Variants in ATRNL1 observed in about 807,000 individuals in gnomAD.
ATRNL1 encodes the protein attractin-like protein 1.
In ATRNL1, 95 loss-of-function variants were observed where a neutral mutation model predicts 182.7. The ratio of observed to expected loss-of-function variants is 0.52; its 90% CI spans 0.44 to 0.62. The LOEUF (loss-of-function observed/expected upper bound fraction) is 0.62, where lower values mean the gene tolerates loss of function less well. Among genes scored for constraint, ATRNL1 ranks in the 20% least tolerant of loss-of-function variants. The pLI is 0.00. For missense variants in ATRNL1, 1,471 were observed against 1,679.5 expected, an observed-to-expected ratio of 0.88 and a Z score of 2.17; for synonymous variants, 576 against 568.3, an observed-to-expected ratio of 1.01 and a Z score of -0.19.
chr10:115,265,096 A>G (rs1592348060), intron 10 of ATRNL1, 97 bp from the exon 11 acceptor site: 2 of 703,870 alleles, frequency 2.8e-6, no homozygotes, highest in East Asian at 2.7e-5. Flanking sequence ...CTGCTTATGC[A>G]TAGTGTATCT....
chr10:115,687,016 CTTAT>C (rs781791143), intron 26 of ATRNL1, among the ~76,000 whole-genome samples: 7 of 151,878 alleles, frequency 4.6e-5, no homozygotes, highest in African/African-American at 9.6e-5. Context: ...TTCCTTCCAC[CTTAT>C]TTATTTATTT....
At chr10:115,303,221 G>GTTTT (rs5788103) in intron 17 of ATRNL1, among the ~76,000 whole-genome samples, 13 of 106,994 alleles carry the variant, frequency 1.2e-4, no homozygotes, top group East Asian at 3.4e-4. Flanking sequence ...TGGTATGCAG[G>GTTTT]TTTTTTTTTT....
chr10:115,759,841 A>ATTTT (rs58578796), intron 27 of ATRNL1, among the ~76,000 whole-genome samples: 3 of 62,678 alleles, frequency 4.8e-5, no homozygotes, highest in African/African-American at 7.1e-5. Context: ...ACACCTGGCT[A>ATTTT]TTTTTTTTTT....
At chr10:115,519,717 G>T (rs1217549275) in intron 25 of ATRNL1, among the ~76,000 whole-genome samples, 2 of 152,114 alleles carry the variant, frequency 1.3e-5, no homozygotes, top group East Asian at 3.8e-4. Context: ...CATATTCGTT[G>T]TAGGTTCATA....
chr10:115,560,483 G>A (rs1302381130), intron 26 of ATRNL1, among the ~76,000 whole-genome samples: 2 of 152,104 alleles, frequency 1.3e-5, no homozygotes, highest in Non-Finnish European at 2.9e-5. Flanking sequence ...ATATCACTCT[G>A]AAAACTATAA....
chr10:115,189,294 T>TA (rs1218864588), intron 8 of ATRNL1, among the ~76,000 whole-genome samples: 1 of 152,192 alleles, frequency 6.6e-6, no homozygotes, highest in Non-Finnish European at 1.5e-5. Flanking sequence ...TAGTGATTTA[T>TA]GTGTTTACTA....
intron 26 of ATRNL1, among the ~76,000 whole-genome samples, chr10:115,647,401 T>C (rs1213302416): frequency 6.6e-6 from 1 of 152,134 alleles, no homozygotes; most frequent in Admixed American, 6.6e-5. Context: ...GTTAAACTAG[T>C]TTACAGTCCC....
At chr10:115,612,719 T>C (rs1310008279) in intron 26 of ATRNL1, among the ~76,000 whole-genome samples, 1 of 152,196 alleles carries the variant, frequency 6.6e-6, no homozygotes, top group Non-Finnish European at 1.5e-5. Context: ...CAGGCATATG[T>C]GCAAGTAAGA....
intron 19 of ATRNL1, among the ~76,000 whole-genome samples, chr10:115,392,705 G>C (rs186772267): frequency 6.6e-6 from 1 of 152,034 alleles, no homozygotes; most frequent in Non-Finnish European, 1.5e-5. Flanking sequence ...TGTCTTTGGG[G>C]GCTCTTCTGA....
intron 27 of ATRNL1, among the ~76,000 whole-genome samples, chr10:115,785,174 T>C (rs1555080120): frequency 1.3e-5 from 2 of 152,192 alleles, no homozygotes; most frequent in Admixed American, 1.3e-4. Flanking sequence ...TTATCTGCTT[T>C]CAAAATACAA....
At chr10:115,809,225 T>TTATTGTGAC (rs1555086357) in intron 27 of ATRNL1, among the ~76,000 whole-genome samples, 1 of 152,086 alleles carries the variant, frequency 6.6e-6, no homozygotes, top group Non-Finnish European at 1.5e-5. Flanking sequence ...AATGTCTTGG[T>TTATTGTGAC]TATTGTGACT....
intron 24 of ATRNL1, among the ~76,000 whole-genome samples, chr10:115,514,005 G>A (rs1554983284): frequency 6.6e-6 from 1 of 151,858 alleles, no homozygotes; most frequent in African/African-American, 2.4e-5. Context: ...AAGAAAGTCT[G>A]TATTTCAGAT....
At chr10:115,644,257 T>G (rs1481092037) in intron 26 of ATRNL1, among the ~76,000 whole-genome samples, 1 of 152,142 alleles carries the variant, frequency 6.6e-6, no homozygotes, top group African/African-American at 2.4e-5. Context: ...CCAATCACAT[T>G]GAGCTTGTTT....
chr10:115,939,631 G>T (rs1399024398), intron 28 of ATRNL1, among the ~76,000 whole-genome samples: 2 of 152,182 alleles, frequency 1.3e-5, no homozygotes, highest in Non-Finnish European at 2.9e-5. Flanking sequence ...CCAGTTAATT[G>T]TATTGCTTTG....
chr10:115,441,383 C>T (rs1336187560), intron 21 of ATRNL1, among the ~76,000 whole-genome samples: 1 of 151,908 alleles, frequency 6.6e-6, no homozygotes, highest in Non-Finnish European at 1.5e-5. Context: ...CCTCTTCAAT[C>T]CCCACAACTC....
intron 27 of ATRNL1, among the ~76,000 whole-genome samples, chr10:115,760,871 G>A (rs949597722): frequency 6.6e-6 from 1 of 152,182 alleles, no homozygotes; most frequent in Admixed American, 6.5e-5. Flanking sequence ...ACAGAAGGCT[G>A]GTCAATAGCT....
At chr10:115,380,295 CTT>C (rs1181851847) in intron 19 of ATRNL1, among the ~76,000 whole-genome samples, 1 of 152,048 alleles carries the variant, frequency 6.6e-6, no homozygotes, top group Non-Finnish European at 1.5e-5. Flanking sequence ...TAGCAAGAAA[CTT>C]AGTGTTCTAC....
At chr10:115,202,182 G>A (rs1480550488) in intron 8 of ATRNL1, among the ~76,000 whole-genome samples, 1 of 152,028 alleles carries the variant, frequency 6.6e-6, no homozygotes, top group Non-Finnish European at 1.5e-5. Context: ...TGCAAACAGG[G>A]ACAATTTGAC....
At position 115,491,576 on chromosome 10, in the gene ATRNL1, C is replaced by T. The variant is rs116769994; in HGVS notation, c.3654+22247C>T. ...GCAAAATCACCTACTCAAGCCTCAG[C>T]AGTGGTGGACGCCACTCCCCCCACC... On this transcript the variant is annotated intron_variant, in intron 24 of 28. Coordinates refer to ENST00000355044, the MANE Select transcript of ATRNL1 (RefSeq NM_207303.4). Among the ~76,000 whole-genome samples, 434 of 152,248 alleles carry T rather than the reference C, an allele frequency of 2.9e-3. 2 individuals are homozygous for T. The highest frequency in any genetic ancestry group is 9.8e-3 in the African/African-American group (407 of 41,560).
Sources: allele counts gnomAD v4.1 joint callset (sites outside exome capture counted in the v4.1 genomes callset), GRCh38; gene constraint gnomAD v4.1.1; transcripts MANE v1.5; gene names NCBI Gene and HGNC (gene_info 2026-07-23, HGNC 2026-07-21).